The following TRIM37 variants were observed in gnomAD, a reference collection of about 807,000 sequenced individuals.
TRIM37 encodes tripartite motif containing 37.
In TRIM37, 80 loss-of-function variants were observed where a neutral mutation model predicts 129.8. The ratio of observed to expected loss-of-function variants is 0.62; its 90% CI spans 0.51 to 0.74. The LOEUF is 0.74. Among genes scored for constraint, TRIM37 ranks in the 30% least tolerant of loss-of-function variants. The pLI is 0.00. For synonymous variants in TRIM37, 389 were observed against 387.1 expected, an observed-to-expected ratio of 1.00 and a Z score of -0.06; for missense variants, 1,054 against 1,176.5, an observed-to-expected ratio of 0.90 and a Z score of 1.52.
chr17:59,041,039 C>T (rs978320384), intron 17 of TRIM37, among the ~76,000 whole-genome samples: 7 of 150,436 alleles, frequency 4.7e-5, no homozygotes, highest in South Asian at 2.1e-4. Flanking sequence ...GGCGACAGAG[C>T]GAGACTCCGT....
At position 59,106,528 on chromosome 17, in the gene TRIM37, G is replaced by C; in HGVS notation, c.-67C>G. On this transcript the variant is annotated 5_prime_UTR_variant, in exon 1 of 24. Transcript: ENST00000262294. Reference sequence around the variant, plus strand: ...CCGCAGTCTGACCTCTTAGGCGCCGGCCCGAGGTCGCCAGATCAAATCGCC... The same window carrying C: ...CCGCAGTCTGACCTCTTAGGCGCCGCCCCGAGGTCGCCAGATCAAATCGCC... The C allele has an allele frequency of 6.3e-7, 1 of 1,593,258 alleles. No homozygotes were observed. The highest frequency in any genetic ancestry group is 1.7e-4 in the Middle Eastern group (1 of 5,918).
chr17:59,015,929 A>C (rs982365253), intron 20 of TRIM37, 130 bp from the exon 21 acceptor site: 1 of 772,362 alleles, frequency 1.3e-6, no homozygotes, highest in Non-Finnish European at 2.2e-6. Flanking sequence ...CAGTGAGCTG[A>C]GATTGTGCTA....
Position 59,062,647 on chromosome 17 carries a change from T to G in TRIM37, c.862A>C (p.Thr288Pro), listed in dbSNP as rs2041592560. 6.2e-7 allele frequency: 1 copy of G among 1,613,906 alleles called. No homozygotes were observed. ...ACAGGATCTGCTCTCTGACGCAAAG[T>G]GCTAACGAAAAAGAAAACCAACCAA... ...SATFVLENFSTLRQRADPVYS... is the reference protein window; with the variant it reads ...SATFVLENFSPLRQRADPVYS... Residue 288 changes from threonine (T) to proline (P), a missense_variant and splice_region_variant, in exon 11 of 24, where the codon ACT becomes CCT. By Grantham distance (38) the Thr-to-Pro change is conservative (BLOSUM62 -1). Around this residue, in one of 3 missense-constraint regions of TRIM37, gnomAD observed 752 missense variants for 870.8 expected, o/e 0.86. Transcript: ENST00000262294.
Position 59,043,961 on chromosome 17 carries a change from T to C in TRIM37, c.1668-2063A>G, listed in dbSNP as rs559907193. Among the ~76,000 whole-genome samples the C allele has an allele frequency of 5.9e-5, 9 of 152,316 alleles. No homozygotes were observed. The East Asian group carries it at 1.7e-3, about 29-fold the overall frequency. On this transcript the variant is annotated intron_variant, in intron 16 of 23. Coordinates refer to ENST00000262294, the MANE Select transcript of TRIM37 (RefSeq NM_015294.6). ...AAATATAGTTGGCCTTCTTTATCTG[T>C]GGGCTCTGCATCTGTGCATTCAACC... is the stretch of plus-strand genomic sequence containing the variant.
At chr17:59,056,756 G>C (rs1000586288) in intron 13 of TRIM37, 119 bp downstream of exon 13, 5 of 327,026 alleles carry the variant, frequency 1.5e-5, no homozygotes, top group East Asian at 8.1e-5. Context: ...AAGGTGATAA[G>C]GTTATAGTTA....
chr17:59,025,234 T>C (rs1020039048), intron 19 of TRIM37, among the ~76,000 whole-genome samples: 7 of 151,982 alleles, frequency 4.6e-5, no homozygotes, highest in Non-Finnish European at 1.0e-4. Flanking sequence ...TCATATAAAA[T>C]TAACTTTATA....
intron 3 of TRIM37, 110 bp from the exon 4 acceptor site, chr17:59,088,517 ATTTT>A: frequency 1.7e-6 from 1 of 605,074 alleles, no homozygotes; most frequent in Non-Finnish European, 2.9e-6. Flanking sequence ...CCATAACACT[ATTTT>A]TTTTTTTTAA....
At chr17:59,010,929 G>T (rs2035170939) in intron 22 of TRIM37, among the ~76,000 whole-genome samples, 1 of 152,024 alleles carries the variant, frequency 6.6e-6, no homozygotes, top group Non-Finnish European at 1.5e-5. Flanking sequence ...CTAGCACTTT[G>T]GGAGGCTGAG....
intron 14 of TRIM37, 39 bp from the exon 15 acceptor site, chr17:59,049,432 C>T: frequency 1.3e-6 from 2 of 1,541,890 alleles, no homozygotes; most frequent in Non-Finnish European, 1.8e-6. Flanking sequence ...AGCCACAGCT[C>T]ACTGGCACAG....
intron 2 of TRIM37, among the ~76,000 whole-genome samples, chr17:59,095,538 A>G (rs920417411): frequency 2.0e-5 from 3 of 152,182 alleles, no homozygotes; most frequent in Non-Finnish European, 2.9e-5. Flanking sequence ...AACAGGCAGT[A>G]AATAGGAAAT....
intron 18 of TRIM37, among the ~76,000 whole-genome samples, chr17:59,029,149 C>G (rs1472772896): frequency 1.3e-5 from 2 of 152,196 alleles, no homozygotes; most frequent in African/African-American, 4.8e-5. Context: ...TATTTCTGGC[C>G]AGGTGCAGTG....
intron 24 of TRIM37, chr17:58,985,244 T>C (rs1188385517): frequency 3.3e-5 from 5 of 152,672 alleles, no homozygotes; most frequent in African/African-American, 1.2e-4. Context: ...TGTGCAGATT[T>C]CTTCAGAACT....
Position 59,001,643 on chromosome 17 carries a change from C to T in TRIM37, c.2767G>A (p.Gly923Arg), listed in dbSNP as rs745366634. ...ATGACCATGAAGGAGTCGTGAAACC[C>T]GCCCACACTGGTATGCTCTTCCTGC... Reference protein sequence around the residue: ...EEQEEHTSVGGFHDSFMVMTQ... With the variant: ...EEQEEHTSVGRFHDSFMVMTQ... Residue 923 changes from glycine (G) to arginine (R), a missense_variant, in exon 23 of 24, where the codon GGG becomes AGG. This residue lies in a region of TRIM37 where 287 missense variants were observed against 274.3 expected (regional missense o/e 1.05). Transcript: ENST00000262294. The T allele has an allele frequency of 1.9e-6, 3 of 1,614,028 alleles. No homozygotes were observed. Among genetic ancestry groups the T allele is most frequent in the South Asian group, 2.2e-5 (2 of 91,078 alleles).
chr17:59,005,567 G>A (rs539038552), intron 22 of TRIM37, among the ~76,000 whole-genome samples: 2 of 152,288 alleles, frequency 1.3e-5, no homozygotes, highest in Admixed American at 1.3e-4. Flanking sequence ...ATAGGTGTGA[G>A]CCACCGCATC....
chr17:59,072,992 GTTTGC>G (rs1021679199), intron 8 of TRIM37: 1 of 152,116 alleles, frequency 6.6e-6, no homozygotes, highest in African/African-American at 2.4e-5. Context: ...TATTTGAACT[GTTTGC>G]TTAAGATTTT....
At chr17:58,972,580 A>G in the TRIM37 span, among the ~76,000 whole-genome samples, 1 of 152,096 alleles carries the variant, frequency 6.6e-6, no homozygotes, top group Non-Finnish European at 1.5e-5. Flanking sequence ...TGAACTCCTG[A>G]CTTCAGGTGA....
Position 59,047,670 on chromosome 17 carries a change from G to A in TRIM37, c.1667+13C>T, listed in dbSNP as rs765579256. 6.2e-7 allele frequency: 1 copy of A among 1,610,712 alleles called. No homozygotes were observed. The highest frequency in any genetic ancestry group is 8.5e-7 in the Non-Finnish European group (1 of 1,178,272). On this transcript the variant is annotated intron_variant, in intron 16 of 23. Coordinates refer to ENST00000262294, the MANE Select transcript of TRIM37 (RefSeq NM_015294.6). ...CACTTAAATGCTTTACAGTAGTAAA[G>A]TGGGAAACTCACATAGTTTCTTCAT...
At chr17:59,036,204 T>C (rs1324034237) in intron 17 of TRIM37, among the ~76,000 whole-genome samples, 1 of 152,102 alleles carries the variant, frequency 6.6e-6, no homozygotes, top group Non-Finnish European at 1.5e-5. Flanking sequence ...GGCCAGGAGT[T>C]GGAGACCAGC....
chr17:59,087,242 T>C (rs541126241), intron 4 of TRIM37, among the ~76,000 whole-genome samples: 85 of 151,722 alleles, frequency 5.6e-4, no homozygotes, highest in African/African-American at 2.0e-3. Flanking sequence ...ATTATAGGCG[T>C]CCACCACGAC....
Sources: allele counts gnomAD v4.1 joint callset (sites outside exome capture counted in the v4.1 genomes callset), GRCh38; gene constraint gnomAD v4.1.1; regional missense constraint gnomAD v4.1.1; transcripts MANE v1.5; gene names NCBI Gene and HGNC (gene_info 2026-07-23, HGNC 2026-07-21).